Variants in FAM107B observed in about 807,000 individuals in gnomAD.
FAM107B encodes protein FAM107B.
A neutral mutation model predicts 31.5 loss-of-function variants in FAM107B; 21 were observed. The ratio of observed to expected loss-of-function variants is 0.67; its 90% CI spans 0.47 to 0.96. The LOEUF is 0.96. FAM107B is among the 40% of genes least tolerant of loss of function. The pLI is 0.00. For missense variants in FAM107B, 452 were observed against 377.1 expected (o/e 1.20, Z -1.64); for synonymous variants, 157 against 141.5 (o/e 1.11, Z -0.78).
intron 2 of FAM107B, among the ~76,000 whole-genome samples, chr10:14,589,036 G>A (rs1461257198): frequency 6.6e-6 from 1 of 151,802 alleles, no homozygotes; most frequent in Non-Finnish European, 1.5e-5. Context: ...ACAAAAATTA[G>A]CCGGGTGTGG....
intron 2 of FAM107B, among the ~76,000 whole-genome samples, chr10:14,552,456 C>T (rs1849344737): frequency 7.5e-6 from 1 of 133,082 alleles, no homozygotes; most frequent in Admixed American, 7.9e-5. Context: ...CCACTACCCA[C>T]ACACACCCAA....
intron 1 of FAM107B, among the ~76,000 whole-genome samples, chr10:14,771,260 A>G (rs141341258): frequency 1.7e-3 from 263 of 152,316 alleles, no homozygotes; most frequent in African/African-American, 6.1e-3. Flanking sequence ...CAAAATGGAC[A>G]TCTTCTGTGG....
intron 2 of FAM107B, among the ~76,000 whole-genome samples, chr10:14,581,144 C>T (rs769193871): frequency 5.9e-5 from 9 of 152,190 alleles, no homozygotes; most frequent in Admixed American, 1.3e-4. Context: ...TATCTGCAAT[C>T]GGTCTGGTGC....
At chr10:14,521,762 G>A in intron 4 of FAM107B, 107 bp downstream of exon 4, 1 of 1,441,604 alleles carries the variant, frequency 6.9e-7, no homozygotes, top group East Asian at 2.3e-5. Context: ...TTCTTTCATG[G>A]TATAAATGTA....
At chr10:14,542,302 C>T (rs943188) in intron 2 of FAM107B, among the ~76,000 whole-genome samples, 39,243 of 148,296 alleles carry the variant, frequency 0.26, 5,730 homozygotes, top group Middle Eastern at 0.33. Context: ...ATTGAATGAA[C>T]AGGATAATAC....
intron 2 of FAM107B, chr10:14,571,788 G>A (rs539939277): frequency 1.0e-6 from 1 of 985,382 alleles, no homozygotes; most frequent in South Asian, 4.7e-5. Flanking sequence ...TCTTGTTTAT[G>A]TTTTAATCAT....
intron 1 of FAM107B, among the ~76,000 whole-genome samples, chr10:14,734,360 G>A (rs1174891603): frequency 6.6e-6 from 1 of 152,066 alleles, no homozygotes; most frequent in African/African-American, 2.4e-5. Context: ...ATAGGGAGTT[G>A]GAAGCATTTA....
At chr10:14,732,183 C>T (rs1033241955) in intron 1 of FAM107B, among the ~76,000 whole-genome samples, 7 of 152,192 alleles carry the variant, frequency 4.6e-5, no homozygotes, top group African/African-American at 1.7e-4. Context: ...TGATGTTTTA[C>T]ATTCATTTTC....
chr10:14,597,117 G>T (rs549659969), intron 2 of FAM107B, among the ~76,000 whole-genome samples: 5 of 152,266 alleles, frequency 3.3e-5, no homozygotes, highest in Non-Finnish European at 5.9e-5. Context: ...AGTTTTATGT[G>T]TTTCAAATAG....
chr10:14,747,186 G>A (rs1405300723), intron 1 of FAM107B, among the ~76,000 whole-genome samples: 7 of 152,174 alleles, frequency 4.6e-5, no homozygotes, highest in Non-Finnish European at 7.3e-5. Context: ...CTGGTTAACA[G>A]CTCCTGTAAT....
At chr10:14,683,176 A>C (rs1270831789) in intron 1 of FAM107B, among the ~76,000 whole-genome samples, 1 of 152,108 alleles carries the variant, frequency 6.6e-6, no homozygotes, top group Non-Finnish European at 1.5e-5. Context: ...GCCTTCCTGA[A>C]CCCTAGCCCC....
chr10:14,656,568 G>C (rs1050718536), intron 2 of FAM107B, among the ~76,000 whole-genome samples: 1 of 152,132 alleles, frequency 6.6e-6, no homozygotes, highest in African/African-American at 2.4e-5. Context: ...ATACCAATGT[G>C]GGGGAAGGAA....
intron 1 of FAM107B, among the ~76,000 whole-genome samples, chr10:14,722,538 C>G (rs573924132): frequency 2.8e-4 from 43 of 152,272 alleles, no homozygotes; most frequent in Middle Eastern, 3.4e-3. Context: ...TAAAGTTGTA[C>G]TCTCTGCTGT....
chr10:14,521,090 G>T lies in FAM107B; in HGVS notation c.*100C>A. On this transcript the variant is annotated 3_prime_UTR_variant, in exon 5 of 5. Transcript: ENST00000181796. ...ATCCTACTGCAAGTCAAAATTCTCTGCTGGCTGAAATATTCTCCAGGGGCT... is the reference window on the plus strand; with the variant it reads ...ATCCTACTGCAAGTCAAAATTCTCTTCTGGCTGAAATATTCTCCAGGGGCT... 1.1e-6 allele frequency: 1 copy of T among 925,008 alleles called. No individual in the cohort carries two copies. Among genetic ancestry groups the T allele is most frequent in the Non-Finnish European group, 1.7e-6 (1 of 599,532 alleles). 57.3% of individuals were successfully genotyped at this position (925,008 alleles called of 1,614,324 possible).
At chr10:14,743,436 G>C (rs1380690143) in intron 1 of FAM107B, among the ~76,000 whole-genome samples, 1 of 152,142 alleles carries the variant, frequency 6.6e-6, no homozygotes, top group Non-Finnish European at 1.5e-5. Flanking sequence ...CCGTGCCTAT[G>C]TCCTAAATGG....
At chr10:14,665,144 A>T (rs1238343279) in intron 2 of FAM107B, among the ~76,000 whole-genome samples, 1 of 152,246 alleles carries the variant, frequency 6.6e-6, no homozygotes, top group Non-Finnish European at 1.5e-5. Context: ...TGTGTCAATA[A>T]TGTAAAACCA....
chr10:14,729,161 T>A (rs1856106462), intron 1 of FAM107B, among the ~76,000 whole-genome samples: 1 of 152,142 alleles, frequency 6.6e-6, no homozygotes, highest in Non-Finnish European at 1.5e-5. Context: ...CCTGGCTATT[T>A]TTTTTTATTT....
intron 2 of FAM107B, among the ~76,000 whole-genome samples, chr10:14,658,091 C>A (rs1384888865): frequency 6.6e-6 from 1 of 152,110 alleles, no homozygotes; most frequent in South Asian, 2.1e-4. Flanking sequence ...GGATTACAGG[C>A]GTAATTAGCA....
intron 2 of FAM107B, among the ~76,000 whole-genome samples, chr10:14,573,968 T>C (rs531847877): frequency 1.1e-5 from 1 of 93,250 alleles, no homozygotes; most frequent in Non-Finnish European, 2.4e-5. Flanking sequence ...CTTTCTCTCA[T>C]AATCTACCCT....
Sources: gnomAD v4.1 joint callset for allele counts (sites outside exome capture counted in the v4.1 genomes callset) on GRCh38, gnomAD v4.1.1 for gene constraint, MANE v1.5 for transcripts, NCBI Gene and HGNC (gene_info 2026-07-23, HGNC 2026-07-21) for gene names.